Variants in GSG1L observed in about 807,000 individuals in gnomAD.
GSG1L encodes GSG1 like.
Under a neutral mutation model 42.1 loss-of-function variants are expected in GSG1L, and 24 were observed. The ratio of observed to expected loss-of-function variants is 0.57; its 90% CI spans 0.41 to 0.80. The LOEUF (loss-of-function observed/expected upper bound fraction) is 0.80, where lower values mean the gene tolerates loss of function less well. GSG1L is among the 30% of genes least tolerant of loss of function. The probability of loss-of-function intolerance (pLI) is 0.00; values close to 1 mark genes in which losing one functional copy is unlikely to be tolerated. For synonymous variants in GSG1L, 215 were observed against 203.5 expected (o/e 1.06, Z -0.48); for missense variants, 445 against 472.2 (o/e 0.94, Z 0.53).
intron 2 of GSG1L, among the ~76,000 whole-genome samples, chr16:27,961,015 G>A (rs2085064516): frequency 6.6e-6 from 1 of 152,038 alleles, no homozygotes; most frequent in African/African-American, 2.4e-5. Flanking sequence ...CCACCCACCT[G>A]CCACTGTACA....
chr16:27,894,262 T>A (rs2084163649), intron 2 of GSG1L, among the ~76,000 whole-genome samples: 1 of 152,248 alleles, frequency 6.6e-6, no homozygotes, highest in Non-Finnish European at 1.5e-5. Flanking sequence ...GAGTAAGTGC[T>A]TAGGACAACA....
chr16:28,018,185 CATT>C (rs2085801533), intron 1 of GSG1L, among the ~76,000 whole-genome samples: 1 of 152,194 alleles, frequency 6.6e-6, no homozygotes, highest in Non-Finnish European at 1.5e-5. Context: ...CTGCCTGTAA[CATT>C]AGTAATGCAA....
chr16:27,932,643 C>T (rs1021645154), intron 2 of GSG1L, among the ~76,000 whole-genome samples: 2 of 152,118 alleles, frequency 1.3e-5, no homozygotes, highest in African/African-American at 4.8e-5. Flanking sequence ...CAGGCCCCAC[C>T]TTCAGCATTG....
At chr16:28,041,480 G>A (rs186068372) in intron 1 of GSG1L, among the ~76,000 whole-genome samples, 12 of 152,174 alleles carry the variant, frequency 7.9e-5, no homozygotes, top group Admixed American at 2.0e-4. Flanking sequence ...TACTATATCC[G>A]GATGGAGTGC....
intron 1 of GSG1L, among the ~76,000 whole-genome samples, chr16:28,032,931 C>A (rs1465989918): frequency 6.6e-6 from 1 of 152,202 alleles, no homozygotes; most frequent in Admixed American, 6.5e-5. Context: ...ACTCCCCAGT[C>A]CTCAATCAGA....
At chr16:28,045,202 G>A (rs1567568063) in intron 1 of GSG1L, among the ~76,000 whole-genome samples, 1 of 152,290 alleles carries the variant, frequency 6.6e-6, no homozygotes, top group East Asian at 1.9e-4. Flanking sequence ...GAACCCTAAT[G>A]TAAACCGTGG....
intron 1 of GSG1L, among the ~76,000 whole-genome samples, chr16:27,972,184 C>T (rs2085200602): frequency 6.6e-6 from 1 of 152,236 alleles, no homozygotes; most frequent in South Asian, 2.1e-4. Flanking sequence ...AAATGGCTCT[C>T]ACACTTCCAT....
intron 2 of GSG1L, among the ~76,000 whole-genome samples, chr16:27,891,284 T>G (rs895617020): frequency 6.6e-6 from 1 of 152,160 alleles, no homozygotes; most frequent in African/African-American, 2.4e-5. Flanking sequence ...AGTGATTCTC[T>G]TTTCCCTGAT....
intron 2 of GSG1L, among the ~76,000 whole-genome samples, chr16:27,917,374 C>T (rs1232613092): frequency 8.6e-5 from 8 of 93,184 alleles, no homozygotes; most frequent in East Asian, 2.7e-4. Context: ...GAGAGAGGGG[C>T]GGGGGGAGAA....
chr16:27,901,539 G>A (rs375490406), intron 2 of GSG1L, among the ~76,000 whole-genome samples: 1 of 152,230 alleles, frequency 6.6e-6, no homozygotes, highest in Non-Finnish European at 1.5e-5. Context: ...TGCTACAGGA[G>A]CGGTTCTCAA....
intron 3 of GSG1L, among the ~76,000 whole-genome samples, chr16:27,869,836 CAT>C (rs2083789380): frequency 2.7e-5 from 3 of 111,486 alleles, no homozygotes; most frequent in Non-Finnish European, 5.5e-5. Flanking sequence ...TGTCTCCCTC[CAT>C]CTCTCTCTCC....
intron 4 of GSG1L, among the ~76,000 whole-genome samples, chr16:27,839,856 C>T (rs900492498): frequency 6.6e-6 from 1 of 152,154 alleles, no homozygotes; most frequent in Non-Finnish European, 1.5e-5. Flanking sequence ...GGTTCAGCCC[C>T]GGCTGCATGC....
At chr16:27,855,857 G>A (rs1363317520) in intron 3 of GSG1L, among the ~76,000 whole-genome samples, 2 of 152,078 alleles carry the variant, frequency 1.3e-5, no homozygotes, top group African/African-American at 4.8e-5. Context: ...GGGAGGTACA[G>A]GGGCCCCTGG....
intron 2 of GSG1L, among the ~76,000 whole-genome samples, chr16:27,898,956 C>T (rs943858550): frequency 7.2e-5 from 11 of 152,176 alleles, no homozygotes; most frequent in African/African-American, 2.7e-4. Flanking sequence ...GCAGTCCTCA[C>T]CCCTCCCTAT....
chr16:27,972,663 G>A (rs2085205821), intron 1 of GSG1L, among the ~76,000 whole-genome samples: 1 of 152,154 alleles, frequency 6.6e-6, no homozygotes, highest in Admixed American at 6.5e-5. Context: ...GTGAACCATG[G>A]AACTTGAAAG....
At chr16:28,043,188 C>T (rs1202343091) in intron 1 of GSG1L, among the ~76,000 whole-genome samples, 3 of 152,194 alleles carry the variant, frequency 2.0e-5, no homozygotes, top group Non-Finnish European at 4.4e-5. Flanking sequence ...CTAGAGCCTT[C>T]TCTGGCTTTG....
intron 1 of GSG1L, among the ~76,000 whole-genome samples, chr16:28,057,544 A>G (rs1403308666): frequency 1.3e-5 from 2 of 152,226 alleles, no homozygotes; most frequent in East Asian, 3.8e-4. Flanking sequence ...TGTTTCTATG[A>G]AGTGGCTCCA....
chr16:27,931,918 G>A (rs1056135185), intron 2 of GSG1L, among the ~76,000 whole-genome samples: 4 of 152,176 alleles, frequency 2.6e-5, no homozygotes, highest in African/African-American at 9.7e-5. Context: ...GAAAACTGAA[G>A]AAACAGAATG....
intron 4 of GSG1L, among the ~76,000 whole-genome samples, chr16:27,843,671 C>T (rs2083412807): frequency 6.6e-6 from 1 of 152,148 alleles, no homozygotes; most frequent in Non-Finnish European, 1.5e-5. Flanking sequence ...CAGATGAAAT[C>T]TGGTCACCTG....
Sources: gnomAD v4.1 joint callset for allele counts (sites outside exome capture counted in the v4.1 genomes callset) on GRCh38, gnomAD v4.1.1 for gene constraint, MANE v1.5 for transcripts, NCBI Gene and HGNC (gene_info 2026-07-23, HGNC 2026-07-21) for gene names.